RABL3: variants seen among roughly 807,000 people sequenced by gnomAD.
RABL3 encodes the protein RAB, member of RAS oncogene family like 3, also known as rab-like protein 3.
In RABL3, 31 loss-of-function variants were observed where a neutral mutation model predicts 31.8. That is an observed-to-expected ratio of 0.97 (90% CI 0.73 to 1.31). RABL3 has a LOEUF of 1.31. RABL3 is among the 40% of genes most tolerant of loss of function. RABL3 has a pLI of 0.00. For synonymous variants in RABL3, 97 were observed against 99.9 expected (o/e 0.97, Z 0.18); for missense variants, 263 against 279.6 (o/e 0.94, Z 0.42).
At chr3:120,735,503 A>T (rs1174905804) in intron 1 of RABL3, among the ~76,000 whole-genome samples, 1 of 152,000 alleles carries the variant, frequency 6.6e-6, no homozygotes, top group Non-Finnish European at 1.5e-5. Context: ...CAGCTCCTGG[A>T]TTCATTGATT....
intron 2 of RABL3, among the ~76,000 whole-genome samples, chr3:120,728,472 A>C (rs988299004): frequency 6.6e-6 from 1 of 152,194 alleles, no homozygotes; most frequent in Non-Finnish European, 1.5e-5. Context: ...CGGAGCTAGA[A>C]AAATCCAAAG....
intron 2 of RABL3, among the ~76,000 whole-genome samples, chr3:120,729,082 G>T (rs1034299184): frequency 6.6e-6 from 1 of 152,104 alleles, no homozygotes; most frequent in Non-Finnish European, 1.5e-5. Context: ...TTGATGAGGT[G>T]CCCAGTCAGT....
At chr3:120,708,386 C>T (rs1201970795) in intron 3 of RABL3, among the ~76,000 whole-genome samples, 5 of 151,896 alleles carry the variant, frequency 3.3e-5, no homozygotes, top group Non-Finnish European at 5.9e-5. Flanking sequence ...TCAGCACTTA[C>T]AAGTTTACAA....
intron 2 of RABL3, among the ~76,000 whole-genome samples, chr3:120,718,276 T>C (rs1238878979): frequency 2.0e-5 from 3 of 152,182 alleles, no homozygotes; most frequent in African/African-American, 7.2e-5. Flanking sequence ...CTAATTACCT[T>C]GGAGTTCAGA....
intron 2 of RABL3, among the ~76,000 whole-genome samples, chr3:120,717,968 G>C (rs1292473073): frequency 6.6e-6 from 1 of 152,122 alleles, no homozygotes; most frequent in East Asian, 1.9e-4. Context: ...TTTGCCACCA[G>C]CTACACTCAA....
intron 2 of RABL3, among the ~76,000 whole-genome samples, chr3:120,717,117 G>C (rs764470382): frequency 6.6e-6 from 1 of 151,984 alleles, no homozygotes; most frequent in East Asian, 1.9e-4. Flanking sequence ...TTAGCCAGGC[G>C]TGGTGGTGGG....
intron 3 of RABL3, among the ~76,000 whole-genome samples, chr3:120,706,628 T>TTTTTTTTTTTTTTTTTTTGAGACGG (rs1216005895): frequency 1.3e-5 from 2 of 151,260 alleles, no homozygotes; most frequent in Non-Finnish European, 3.0e-5. Context: ...TGCTATTCTT[T>TTTTTTTTTTTTTTTTTTTGAGACGG]AGCTGACAAA....
At position 120,685,474 on chromosome 3, in the gene RABL3, G is replaced by A. The variant is rs997222263; in HGVS notation, c.*4349C>T. ...GAGGGGGCTGTGTGTAAGATGGCAAGGCACTGGTTAGAAATAAATATATTT... is the reference window on the plus strand; with the variant it reads ...GAGGGGGCTGTGTGTAAGATGGCAAAGCACTGGTTAGAAATAAATATATTT... On this transcript the variant is annotated 3_prime_UTR_variant, in exon 8 of 8. Transcript: ENST00000273375. 6.6e-6 allele frequency among the ~76,000 whole-genome samples: 1 copy of A among 152,096 alleles called. No homozygotes were observed. The highest frequency in any genetic ancestry group is 1.5e-5 in the Non-Finnish European group (1 of 68,024).
At chr3:120,705,930 A>T in intron 4 of RABL3, 70 bp downstream of exon 4, 1 of 906,758 alleles carries the variant, frequency 1.1e-6, no homozygotes, top group East Asian at 2.4e-5. Flanking sequence ...ACATTTTACA[A>T]AGTGTTATTC....
intron 1 of RABL3, among the ~76,000 whole-genome samples, chr3:120,735,783 T>G (rs1024465207): frequency 6.6e-6 from 1 of 152,242 alleles, no homozygotes; most frequent in East Asian, 1.9e-4. Flanking sequence ...TCTTCATTTC[T>G]GCCTTCATTT....
rs1353313976 is a variant in RABL3 at position 120,684,940 on chromosome 3, C to T, written c.*4883G>A. On this transcript the variant is annotated 3_prime_UTR_variant, in exon 8 of 8. Transcript: ENST00000273375. ...TAACTTACACAGCTACAGATAAGTT[C>T]TGATTCTATGTCTAATGGCTTTCCA... is the stretch of plus-strand genomic sequence containing the variant. Among the ~76,000 whole-genome samples, 1 of 152,178 alleles carries T rather than the reference C, an allele frequency of 6.6e-6. No homozygotes were observed. Among genetic ancestry groups the T allele is most frequent in the African/African-American group, 2.4e-5 (1 of 41,448 alleles).
intron 2 of RABL3, among the ~76,000 whole-genome samples, chr3:120,715,214 C>T (rs1708654353): frequency 6.6e-6 from 1 of 152,166 alleles, no homozygotes; most frequent in Non-Finnish European, 1.5e-5. Context: ...TATATCAGTG[C>T]TGTCCCATGG....
chr3:120,696,084 T>C (rs140176060), intron 5 of RABL3, among the ~76,000 whole-genome samples: 1,791 of 152,242 alleles, frequency 0.012, 31 homozygotes, highest in African/African-American at 0.039. Context: ...TCAAAGTAAA[T>C]ACGTAACAGA....
chr3:120,707,992 T>G (rs1325654712), intron 3 of RABL3, among the ~76,000 whole-genome samples: 1 of 152,094 alleles, frequency 6.6e-6, no homozygotes, highest in Non-Finnish European at 1.5e-5. Context: ...TCTGAAGGAT[T>G]ACTAGCCTAG....
intron 4 of RABL3, among the ~76,000 whole-genome samples, chr3:120,699,354 C>G (rs1308577138): frequency 2.6e-5 from 4 of 152,102 alleles, no homozygotes. Flanking sequence ...CTGGCTATTA[C>G]AATCCTTATT....
intron 2 of RABL3, among the ~76,000 whole-genome samples, chr3:120,710,808 C>T (rs1460949692): frequency 1.3e-5 from 2 of 152,128 alleles, no homozygotes; most frequent in Admixed American, 6.5e-5. Context: ...ACCTCAAGTC[C>T]TCTTCCAGCT....
rs559674059 is a variant in RABL3 at position 120,685,097 on chromosome 3, G to A, written c.*4726C>T. The stretch of plus-strand genomic sequence containing the variant: ...ACTAGTGGGCACGTAGCCCAGACGA[G>A]CAGAGCCAGGGAGGGCTTCCCAGAG... On this transcript the variant is annotated 3_prime_UTR_variant, in exon 8 of 8. Transcript: ENST00000273375. Among the ~76,000 whole-genome samples, 6 of 152,324 alleles carry A rather than the reference G, an allele frequency of 3.9e-5. No homozygotes were observed. Among genetic ancestry groups the A allele is most frequent in the African/African-American group, 1.4e-4 (6 of 41,570 alleles).
intron 4 of RABL3, among the ~76,000 whole-genome samples, chr3:120,700,605 GGTT>G (rs1299179543): frequency 6.6e-6 from 1 of 151,884 alleles, no homozygotes; most frequent in East Asian, 1.9e-4. Flanking sequence ...AATAATATTT[GGTT>G]ATTAAAGAAT....
At position 120,685,035 on chromosome 3, in the gene RABL3, G is replaced by T. The variant is rs1251758997; in HGVS notation, c.*4788C>A. Among the ~76,000 whole-genome samples, 2 of 152,218 alleles carry T rather than the reference G, an allele frequency of 1.3e-5. No homozygotes were observed. The highest frequency in any genetic ancestry group is 2.4e-5 in the African/African-American group (1 of 41,456). On this transcript the variant is annotated 3_prime_UTR_variant, in exon 8 of 8. Coordinates refer to ENST00000273375, the MANE Select transcript of RABL3 (RefSeq NM_173825.5). Reference sequence around the variant, plus strand: ...AAAACCATCACAACATAGTGTAAGTGCTCTGACAGGAAAGAGCCCAGGGAT... The same window carrying T: ...AAAACCATCACAACATAGTGTAAGTTCTCTGACAGGAAAGAGCCCAGGGAT...
Sources: allele counts gnomAD v4.1 joint callset (sites outside exome capture counted in the v4.1 genomes callset), GRCh38; gene constraint gnomAD v4.1.1; transcripts MANE v1.5; gene names NCBI Gene and HGNC (gene_info 2026-07-23, HGNC 2026-07-21).